AGBL1: variants seen among roughly 807,000 people sequenced by gnomAD.
AGBL1 encodes cytosolic carboxypeptidase 4.
A neutral mutation model predicts 118.9 loss-of-function variants in AGBL1; 130 were observed. That is an observed-to-expected ratio of 1.09 (90% confidence interval 0.95 to 1.26). The LOEUF (loss-of-function observed/expected upper bound fraction) is 1.26. AGBL1 is among the 50% of genes most tolerant of loss of function. AGBL1 has a pLI of 0.00. For missense variants in AGBL1, 1,584 were observed against 1,298.1 expected, an observed-to-expected ratio of 1.22 and a Z score of -3.38; for synonymous variants, 555 against 478.9, an observed-to-expected ratio of 1.16 and a Z score of -2.08.
At chr15:86,217,915 G>C (rs2078216710) in intron 5 of AGBL1, among the ~76,000 whole-genome samples, 1 of 152,198 alleles carries the variant, frequency 6.6e-6, no homozygotes, top group South Asian at 2.1e-4. Flanking sequence ...CTCTGATTGA[G>C]AAGACCACTC....
At chr15:86,192,711 A>T (rs1177040241) in intron 5 of AGBL1, among the ~76,000 whole-genome samples, 1 of 152,242 alleles carries the variant, frequency 6.6e-6, no homozygotes, top group South Asian at 2.1e-4. Context: ...GTGCCTGTTC[A>T]TGAAGTAGGT....
intron 5 of AGBL1, among the ~76,000 whole-genome samples, chr15:86,163,922 T>C (rs1015117279): frequency 6.6e-6 from 1 of 152,212 alleles, no homozygotes. Flanking sequence ...TTCTGCCCCA[T>C]CCAAACATGT....
intron 1 of AGBL1, among the ~76,000 whole-genome samples, chr15:86,095,255 G>T (rs1896283235): frequency 6.6e-6 from 1 of 152,106 alleles, no homozygotes; most frequent in Non-Finnish European, 1.5e-5. Flanking sequence ...AGGCTCCATT[G>T]CATAGGCCTG....
chr15:86,500,735 A>G lies in AGBL1; in HGVS notation c.2556-22075A>G, dbSNP rs1422219838. The stretch of plus-strand genomic sequence containing the variant: ...TTTTCTATTCTGGGTGTTTCATATA[A>G]ATGGTATGATATAATGTATGGCCTT... On this transcript the variant is annotated intron_variant, in intron 18 of 22. Transcript: ENST00000614907. Among the ~76,000 whole-genome samples the G allele has an allele frequency of 2.0e-5, 3 of 151,678 alleles. No homozygotes were observed. In the East Asian group the frequency reaches 5.8e-4, roughly 29 times the overall value.
intron 17 of AGBL1, among the ~76,000 whole-genome samples, chr15:86,298,286 C>CTATATATATATA (rs71460469): frequency 3.2e-5 from 2 of 63,116 alleles, no homozygotes; most frequent in African/African-American, 1.2e-4. Context: ...TATATGGTAA[C>CTATATATATATA]TATATATATA....
intron 23 of AGBL1, among the ~76,000 whole-genome samples, chr15:86,925,720 C>CTTTTTTTT (rs375125663): frequency 8.0e-4 from 106 of 131,982 alleles, no homozygotes; most frequent in African/African-American, 2.1e-3. Flanking sequence ...TTTTTCTTTT[C>CTTTTTTTT]TTTTTTTTTT....
At position 86,476,327 on chromosome 15, in the gene AGBL1, A is replaced by G. The variant is rs1005927932; in HGVS notation, c.2556-46483A>G. Among the ~76,000 whole-genome samples the G allele has an allele frequency of 2.6e-5, 4 of 152,204 alleles. 1 individual carries two copies. In the South Asian group the frequency reaches 8.3e-4, roughly 32 times the overall value. On this transcript the variant is annotated intron_variant, in intron 18 of 22. Coordinates refer to ENST00000614907, the MANE Select transcript of AGBL1 (RefSeq NM_001386094.1). Reference sequence around the variant, plus strand: ...CAAAACCCATCAGTGTGCTGTATTCAGGAGACCCATCTCAAGTGCAGAGAC... The same window carrying G: ...CAAAACCCATCAGTGTGCTGTATTCGGGAGACCCATCTCAAGTGCAGAGAC...
chr15:86,726,677 T>A (rs2086823303), intron 22 of AGBL1, among the ~76,000 whole-genome samples: 1 of 152,140 alleles, frequency 6.6e-6, no homozygotes, highest in South Asian at 2.1e-4. Flanking sequence ...TCCTTCTACC[T>A]CAGACTCCTG....
intron 23 of AGBL1, among the ~76,000 whole-genome samples, chr15:86,970,156 G>T (rs1456678231): frequency 1.3e-5 from 2 of 151,878 alleles, no homozygotes; most frequent in Non-Finnish European, 2.9e-5. Flanking sequence ...GGCCAAGGCA[G>T]CATTGGAAAT....
At chr15:87,007,800 A>T (rs1434063262) in intron 24 of AGBL1, among the ~76,000 whole-genome samples, 2 of 152,222 alleles carry the variant, frequency 1.3e-5, no homozygotes, top group Non-Finnish European at 1.5e-5. Flanking sequence ...CCTGGGCCTC[A>T]GATTTCTCAT....
intron 18 of AGBL1, among the ~76,000 whole-genome samples, chr15:86,518,956 T>G (rs2083154383): frequency 6.6e-6 from 1 of 151,622 alleles, no homozygotes. Context: ...AAACTTTATC[T>G]TAAACTAGCT....
intron 22 of AGBL1, among the ~76,000 whole-genome samples, chr15:86,872,648 C>A (rs1363960255): frequency 6.6e-6 from 1 of 152,072 alleles, no homozygotes; most frequent in African/African-American, 2.4e-5. Context: ...CCCAGCTACT[C>A]AGGAGGCTGA....
chr15:86,691,596 T>G (rs959013135), intron 22 of AGBL1, among the ~76,000 whole-genome samples: 3 of 152,112 alleles, frequency 2.0e-5, no homozygotes, highest in African/African-American at 7.2e-5. Context: ...AGGATCAAAT[T>G]GAGGTGGGTT....
chr15:86,494,005 T>C (rs1226668348), intron 18 of AGBL1, among the ~76,000 whole-genome samples: 1 of 151,962 alleles, frequency 6.6e-6, no homozygotes, highest in African/African-American at 2.4e-5. Flanking sequence ...TTCCCAAACC[T>C]CTCCCTTTCG....
At chr15:86,683,492 TGC>T (rs1467344378) in intron 22 of AGBL1, among the ~76,000 whole-genome samples, 1 of 152,138 alleles carries the variant, frequency 6.6e-6, no homozygotes, top group East Asian at 1.9e-4. Flanking sequence ...CCTAAAATAA[TGC>T]CTATTTTACA....
intron 17 of AGBL1, among the ~76,000 whole-genome samples, chr15:86,344,712 T>G (rs545432000): frequency 1.3e-5 from 2 of 152,140 alleles, no homozygotes; most frequent in African/African-American, 4.8e-5. Context: ...TGATTTTGAT[T>G]ATAAAATCAG....
At chr15:86,279,222 T>A (rs1236616984) in intron 15 of AGBL1, among the ~76,000 whole-genome samples, 2 of 152,224 alleles carry the variant, frequency 1.3e-5, no homozygotes, top group African/African-American at 4.8e-5. Flanking sequence ...AGGAGTTGAA[T>A]CCTATGTGGT....
chr15:86,845,624 C>G (rs1304347083), intron 22 of AGBL1, among the ~76,000 whole-genome samples: 1 of 152,148 alleles, frequency 6.6e-6, no homozygotes, highest in Non-Finnish European at 1.5e-5. Context: ...TTCTCCATCT[C>G]AATTATCTGA....
chr15:86,096,490 A>C (rs775020531), intron 1 of AGBL1, among the ~76,000 whole-genome samples: 3 of 152,190 alleles, frequency 2.0e-5, no homozygotes, highest in African/African-American at 4.8e-5. Flanking sequence ...ACCTTTCAAA[A>C]AAATCCTGGA....
Sources: gnomAD v4.1 joint callset for allele counts (sites outside exome capture counted in the v4.1 genomes callset) on GRCh38, gnomAD v4.1.1 for gene constraint, MANE v1.5 for transcripts, NCBI Gene and HGNC (gene_info 2026-07-23, HGNC 2026-07-21) for gene names.